Variants in FMN1 observed in about 807,000 individuals in gnomAD.
The protein encoded by FMN1 is formin 1.
FMN1 carries 110 observed loss-of-function variants against 132.4 expected under a neutral mutation model. That is an observed-to-expected ratio of 0.83 (90% CI 0.71 to 0.97). FMN1 has a LOEUF of 0.97. Among genes scored for constraint, FMN1 ranks in the 50% least tolerant of loss-of-function variants. The pLI, the probability that FMN1 is intolerant of heterozygous loss-of-function variation, is 0.00. For missense variants in FMN1, 1,792 were observed against 1,705.3 expected (o/e 1.05, Z -0.90); for synonymous variants, 722 against 651.7 (o/e 1.11, Z -1.64).
At chr15:33,175,873 G>A (rs1395821726) in intron 3 of FMN1, among the ~76,000 whole-genome samples, 2 of 152,126 alleles carry the variant, frequency 1.3e-5, no homozygotes, top group Non-Finnish European at 2.9e-5. Context: ...TTGAACTGAG[G>A]CTACAATGCC....
intron 7 of FMN1, among the ~76,000 whole-genome samples, chr15:32,983,663 C>T (rs2032858936): frequency 6.6e-6 from 1 of 152,150 alleles, no homozygotes; most frequent in Admixed American, 6.5e-5. Context: ...AACAAAATCT[C>T]TCTCTGTTGA....
chr15:33,179,002 T>C (rs1965607950), intron 3 of FMN1, among the ~76,000 whole-genome samples: 1 of 152,222 alleles, frequency 6.6e-6, no homozygotes, highest in Non-Finnish European at 1.5e-5. Flanking sequence ...AACCTGCGTC[T>C]CTGCCTGAAA....
At chr15:33,170,083 A>G (rs1387156601) in intron 3 of FMN1, among the ~76,000 whole-genome samples, 2 of 152,108 alleles carry the variant, frequency 1.3e-5, no homozygotes, top group African/African-American at 4.8e-5. Flanking sequence ...GGACCAATAG[A>G]ACTGAATGGA....
intron 7 of FMN1, among the ~76,000 whole-genome samples, chr15:32,978,653 G>A (rs768952258): frequency 8.5e-5 from 13 of 152,200 alleles, no homozygotes; most frequent in Admixed American, 7.2e-4. Flanking sequence ...AAGCTTAGAA[G>A]AAACAGATGA....
intron 5 of FMN1, among the ~76,000 whole-genome samples, chr15:33,075,020 CAAAAAAAA>C (rs57504432): frequency 6.2e-4 from 38 of 61,690 alleles, no homozygotes; most frequent in East Asian, 2.0e-3. Context: ...GATTCCATCT[CAAAAAAAA>C]AAAAAAAAAA....
chr15:32,979,338 G>C (rs111671337), intron 7 of FMN1, among the ~76,000 whole-genome samples: 3,146 of 152,132 alleles, frequency 0.021, 109 homozygotes, highest in African/African-American at 0.068. Context: ...GGCAGATCAC[G>C]AGGTCAGGAG....
In FMN1 at chr15:32,926,712, A is replaced by G. The variant is rs369496642; in HGVS notation, c.3139-451T>C. Among the ~76,000 whole-genome samples, 2 of 152,342 alleles carry G rather than the reference A, an allele frequency of 1.3e-5. 1 individual carries two copies. The highest frequency in any genetic ancestry group is 4.8e-5 in the African/African-American group (2 of 41,582). On this transcript the variant is annotated intron_variant, in intron 9 of 20. Transcript: ENST00000616417. ...AAAAGCATGAACAGCTGAGTCAGCCACCAGTGATATGGCCTTGGTAAAGTG... is the reference window on the plus strand; with the variant it reads ...AAAAGCATGAACAGCTGAGTCAGCCGCCAGTGATATGGCCTTGGTAAAGTG...
At chr15:32,843,908 G>A (rs1258779) in intron 17 of FMN1, among the ~76,000 whole-genome samples, 149,221 of 152,316 alleles carry the variant, frequency 0.98, 73,154 homozygotes, top group East Asian at 1. Context: ...TTAACGAGAA[G>A]ACCAGTTTAT....
chr15:32,938,453 CAGG>C (rs1264481770), intron 9 of FMN1, among the ~76,000 whole-genome samples: 1 of 152,074 alleles, frequency 6.6e-6, no homozygotes, highest in African/African-American at 2.4e-5. Context: ...TGCTTGAACC[CAGG>C]AGGTGGAAGT....
chr15:32,869,701 G>T (rs1254911772), intron 16 of FMN1, among the ~76,000 whole-genome samples: 1 of 152,138 alleles, frequency 6.6e-6, no homozygotes, highest in African/African-American at 2.4e-5. Flanking sequence ...TGGAGGAGAG[G>T]CCAGCAATGA....
At chr15:33,026,482 A>G (rs543735519) in intron 6 of FMN1, among the ~76,000 whole-genome samples, 3 of 151,742 alleles carry the variant, frequency 2.0e-5, no homozygotes, top group African/African-American at 7.2e-5. Flanking sequence ...TCAGTGAGGA[A>G]AAAATTGCCT....
At position 33,092,999 on chromosome 15, in the gene FMN1, G is replaced by A. The variant is rs190124100; in HGVS notation, c.1868-4025C>T. Reference sequence around the variant, plus strand: ...TATTTACCAGATATTGTCTTTAATCGTCTAAGAATATACATATAAAAATAT... The same window carrying A: ...TATTTACCAGATATTGTCTTTAATCATCTAAGAATATACATATAAAAATAT... On this transcript the variant is annotated intron_variant, in intron 4 of 20. Coordinates refer to ENST00000616417, the MANE Select transcript of FMN1 (RefSeq NM_001277313.2). Among the ~76,000 whole-genome samples, 8 of 152,220 alleles carry A rather than the reference G, an allele frequency of 5.3e-5. No individual in the cohort carries two copies. The East Asian group carries it at 5.8e-4, about 11-fold the overall frequency.
At chr15:33,114,161 C>A (rs2039821126) in intron 4 of FMN1, among the ~76,000 whole-genome samples, 1 of 152,208 alleles carries the variant, frequency 6.6e-6, no homozygotes, top group South Asian at 2.1e-4. Flanking sequence ...ACTGCTAGTG[C>A]CTGCCCTTTA....
chr15:32,925,578 T>C (rs1246203330), intron 10 of FMN1, among the ~76,000 whole-genome samples: 1 of 152,144 alleles, frequency 6.6e-6, no homozygotes, highest in African/African-American at 2.4e-5. Context: ...AAAATAAACT[T>C]GAGAGACACG....
At position 32,940,391 on chromosome 15, in the gene FMN1, T is replaced by TTGTGTG. The variant is rs67121672; in HGVS notation, c.3139-14136_3139-14131dup. On this transcript the variant is annotated intron_variant, in intron 9 of 20. Coordinates refer to ENST00000616417, the MANE Select transcript of FMN1 (RefSeq NM_001277313.2). ...ATGTCTACTGCAAACAAAATAAAAA[T>TTGTGTG]TGTGTGTGTGTGTGTGTGTGTGTGT... Among the ~76,000 whole-genome samples the TTGTGTG allele has an allele frequency of 7.5e-3, 1,091 of 145,404 alleles. 10 individuals carry two copies. The highest frequency in any genetic ancestry group is 0.019 in the African/African-American group (755 of 40,012).
chr15:33,113,129 T>C (rs549555101), intron 4 of FMN1, among the ~76,000 whole-genome samples: 19 of 152,336 alleles, frequency 1.2e-4, no homozygotes, highest in Non-Finnish European at 4.4e-5. Context: ...GTTTCAAATA[T>C]CTGCATTTAT....
chr15:32,958,672 ACT>A (rs2030130571), intron 9 of FMN1, among the ~76,000 whole-genome samples: 1 of 152,080 alleles, frequency 6.6e-6, no homozygotes, highest in Non-Finnish European at 1.5e-5. Flanking sequence ...AGTTCCACAG[ACT>A]CTTGATCATT....
intron 4 of FMN1, among the ~76,000 whole-genome samples, chr15:33,113,236 A>G (rs1378516313): frequency 1.5e-5 from 2 of 133,286 alleles, no homozygotes; most frequent in East Asian, 3.9e-4. Flanking sequence ...TCTTACCTAA[A>G]GGTCAGTGGG....
At chr15:32,861,428 G>A (rs2059265756) in intron 16 of FMN1, among the ~76,000 whole-genome samples, 3 of 152,170 alleles carry the variant, frequency 2.0e-5, no homozygotes, top group African/African-American at 7.2e-5. Context: ...CATGGGGGTG[G>A]TAAAGAGCTT....
Sources: gnomAD v4.1 joint callset for allele counts (sites outside exome capture counted in the v4.1 genomes callset) on GRCh38, gnomAD v4.1.1 for gene constraint, MANE v1.5 for transcripts, NCBI Gene and HGNC (gene_info 2026-07-23, HGNC 2026-07-21) for gene names.